The following ZC3HAV1 variants were observed in gnomAD, a reference collection of about 807,000 sequenced individuals.
ZC3HAV1 encodes the protein zinc finger CCCH-type antiviral protein 1.
Under a neutral mutation model 86.6 loss-of-function variants are expected in ZC3HAV1, and 41 were observed. The ratio of observed to expected loss-of-function variants is 0.47; its 90% confidence interval spans 0.37 to 0.61. The LOEUF is 0.61. Among genes scored for constraint, ZC3HAV1 ranks in the 20% least tolerant of loss-of-function variants. The probability of loss-of-function intolerance (pLI) is 0.00; values close to 1 mark genes in which losing one functional copy is unlikely to be tolerated. For missense variants in ZC3HAV1, 964 were observed against 1,141.1 expected (o/e 0.84, Z 2.24); for synonymous variants, 421 against 432.1 (o/e 0.97, Z 0.32).
At chr7:139,107,069 T>G (rs915850841) in intron 1 of ZC3HAV1, among the ~76,000 whole-genome samples, 2 of 152,206 alleles carry the variant, frequency 1.3e-5, no homozygotes, top group African/African-American at 4.8e-5. Context: ...GGTGAAGAAT[T>G]TGTCATAATA....
chr7:139,066,002 G>A (rs963762886), intron 7 of ZC3HAV1, among the ~76,000 whole-genome samples: 5 of 152,164 alleles, frequency 3.3e-5, no homozygotes, highest in African/African-American at 1.2e-4. Flanking sequence ...ATCAGAATGT[G>A]TAGGTAAAAG....
intron 7 of ZC3HAV1, among the ~76,000 whole-genome samples, chr7:139,068,468 A>G (rs1816672030): frequency 6.6e-6 from 1 of 152,276 alleles, no homozygotes; most frequent in African/African-American, 2.4e-5. Flanking sequence ...AACTCAAAAT[A>G]GTCAATATGC....
chr7:139,088,031 C>CAAAAAAAA (rs10544425), intron 2 of ZC3HAV1, among the ~76,000 whole-genome samples: 55 of 57,794 alleles, frequency 9.5e-4, no homozygotes, highest in Middle Eastern at 0.015. Context: ...GATCCTGTCT[C>CAAAAAAAA]AAAAAAAAAA....
intron 8 of ZC3HAV1, among the ~76,000 whole-genome samples, chr7:139,063,135 G>A (rs986942315): frequency 6.6e-6 from 1 of 151,422 alleles, no homozygotes; most frequent in East Asian, 1.9e-4. Flanking sequence ...TGGTTTCTAT[G>A]AACCAAACAA....
At chr7:139,098,361 A>G (rs1402018318) in intron 1 of ZC3HAV1, among the ~76,000 whole-genome samples, 4 of 152,228 alleles carry the variant, frequency 2.6e-5, no homozygotes, top group African/African-American at 7.2e-5. Context: ...TCCATCATAG[A>G]ATGTTTAAAT....
chr7:139,079,023 C>T (rs1021196709), intron 4 of ZC3HAV1: 36 of 1,500,634 alleles, frequency 2.4e-5, no homozygotes, highest in Non-Finnish European at 3.0e-5. Flanking sequence ...AACTGGGGAA[C>T]ATCCAAGGAA....
At chr7:139,058,592 G>A (rs1486538175) in intron 9 of ZC3HAV1, among the ~76,000 whole-genome samples, 63 of 152,146 alleles carry the variant, frequency 4.1e-4, no homozygotes, top group Admixed American at 3.9e-3. Flanking sequence ...GGTAGAAGTG[G>A]GTAAGTACTA....
chr7:139,062,558 C>T (rs995192038), intron 8 of ZC3HAV1, among the ~76,000 whole-genome samples: 3 of 152,216 alleles, frequency 2.0e-5, no homozygotes, highest in African/African-American at 7.2e-5. Context: ...ACTGTTACCA[C>T]TTTCTGAAAT....
chr7:139,087,046 T>A lies in ZC3HAV1; in HGVS notation c.444+2578A>T, dbSNP rs570122948. ...TAGATGTGTGGCCCGATGTTAAAAG[T>A]ACCTGTTACTTTTGAAGAACTGAAG... is the stretch of plus-strand genomic sequence containing the variant. On this transcript the variant is annotated intron_variant, in intron 2 of 12. Transcript: ENST00000242351. Among the ~76,000 whole-genome samples, 9 of 152,344 alleles carry A rather than the reference T, an allele frequency of 5.9e-5. No individual in the cohort carries two copies. In the South Asian group the frequency reaches 1.9e-3, roughly 32 times the overall value.
chr7:139,080,866 G>A (rs111671965), intron 3 of ZC3HAV1, among the ~76,000 whole-genome samples: 14 of 152,286 alleles, frequency 9.2e-5, no homozygotes, highest in African/African-American at 2.9e-4. Context: ...TGATACGGGT[G>A]TACCTGGCTA....
intron 9 of ZC3HAV1, among the ~76,000 whole-genome samples, 154 bp from the exon 10 acceptor site, chr7:139,055,449 T>G (rs2297238): frequency 0.62 from 94,425 of 151,848 alleles, 29,497 homozygotes; most frequent in East Asian, 0.7. Context: ...CACATATTCC[T>G]GGTATAGATG....
chr7:139,089,089 G>A (rs12532665), intron 2 of ZC3HAV1, among the ~76,000 whole-genome samples: 25,275 of 121,610 alleles, frequency 0.21, 2,626 homozygotes, highest in East Asian at 0.4. Flanking sequence ...GCAACACAGC[G>A]AGACTCCATC....
At chr7:139,058,446 C>T (rs982842563) in intron 9 of ZC3HAV1, among the ~76,000 whole-genome samples, 1 of 146,412 alleles carries the variant, frequency 6.8e-6, no homozygotes, top group Non-Finnish European at 1.5e-5. Context: ...CCCAACCCCC[C>T]CCCCCCCCAC....
intron 9 of ZC3HAV1, among the ~76,000 whole-genome samples, chr7:139,057,399 T>C (rs1816316768): frequency 6.6e-6 from 1 of 152,118 alleles, no homozygotes; most frequent in South Asian, 2.1e-4. Flanking sequence ...AACAATATTG[T>C]TACCACTACT....
chr7:139,055,882 A>G (rs1377921814), intron 9 of ZC3HAV1, among the ~76,000 whole-genome samples: 1 of 152,250 alleles, frequency 6.6e-6, no homozygotes, highest in African/African-American at 2.4e-5. Context: ...CATTATCATT[A>G]GCTACTAAAA....
intron 1 of ZC3HAV1, among the ~76,000 whole-genome samples, chr7:139,097,429 T>TATATATATATATA (rs1491244234): frequency 7.2e-4 from 41 of 56,792 alleles, no homozygotes; most frequent in East Asian, 2.8e-3. Flanking sequence ...TATATATATA[T>TATATATATATATA]TTTTTTTTTT....
chr7:139,077,716 G>T (rs574240301), intron 5 of ZC3HAV1, among the ~76,000 whole-genome samples: 2 of 152,330 alleles, frequency 1.3e-5, no homozygotes, highest in Admixed American at 6.5e-5. Flanking sequence ...CTACAGTACA[G>T]GAAGACAGAA....
chr7:139,079,311 T>C (rs781627144), intron 4 of ZC3HAV1, 159 bp downstream of exon 4: 2 of 1,539,902 alleles, frequency 1.3e-6, no homozygotes, highest in Non-Finnish European at 8.7e-7. Context: ...TGACTTCCAG[T>C]ACGTAACATA....
Position 139,060,568 on chromosome 7 carries a change from C to T in ZC3HAV1, c.2096+468G>A, listed in dbSNP as rs554245300. On this transcript the variant is annotated intron_variant, in intron 9 of 12. Transcript: ENST00000242351. The stretch of plus-strand genomic sequence containing the variant: ...AAAGAATCCACAGCAAAGCCAGGCA[C>T]GGTGGCTCATGCCTGTAATCCCAGC... 31 of 1,003,718 alleles carry T rather than the reference C, an allele frequency of 3.1e-5. 1 individual carries two copies. The East Asian group carries it at 1.9e-3, about 63-fold the overall frequency. The allele number at this position is 1,003,718 out of a possible 1,614,324, so 62.2% of individuals were successfully genotyped here. A position where few individuals can be genotyped will look rare whatever the true frequency, so the allele number is the denominator to read the frequency against.
Sources: allele counts gnomAD v4.1 joint callset (sites outside exome capture counted in the v4.1 genomes callset), GRCh38; gene constraint gnomAD v4.1.1; transcripts MANE v1.5; gene names NCBI Gene and HGNC (gene_info 2026-07-23, HGNC 2026-07-21).